GALNT16: variants seen among roughly 807,000 people sequenced by gnomAD.
GALNT16 encodes polypeptide N-acetylgalactosaminyltransferase 16, also known as UDP-GalNAc:polypeptide N-acetylgalactosaminyltransferase-like protein 1.
A neutral mutation model predicts 76.1 loss-of-function variants in GALNT16; 40 were observed. The ratio of observed to expected loss-of-function variants is 0.53; its 90% CI spans 0.41 to 0.68. The LOEUF is 0.68. Among genes scored for constraint, GALNT16 ranks in the 30% least tolerant of loss-of-function variants. The probability of loss-of-function intolerance (pLI) is 0.00; values close to 1 mark genes in which losing one functional copy is unlikely to be tolerated. For missense variants in GALNT16, 621 were observed against 731.9 expected (o/e 0.85, Z 1.75); for synonymous variants, 276 against 285.2 (o/e 0.97, Z 0.32).
chr14:69,382,122 C>G, the GALNT16 span, among the ~76,000 whole-genome samples: 1 of 152,160 alleles, frequency 6.6e-6, no homozygotes, highest in Non-Finnish European at 1.5e-5. Context: ...AAGTTAGAAA[C>G]CTAAACTACA....
At chr14:69,335,855 A>G (rs2045409220) in intron 9 of GALNT16, among the ~76,000 whole-genome samples, 1 of 152,146 alleles carries the variant, frequency 6.6e-6, no homozygotes, top group Non-Finnish European at 1.5e-5. Context: ...CAAACTCGGG[A>G]GCCCAGAGGC....
At chr14:69,289,072 C>G (rs2044655895) in intron 1 of GALNT16, among the ~76,000 whole-genome samples, 1 of 152,180 alleles carries the variant, frequency 6.6e-6, no homozygotes, top group African/African-American at 2.4e-5. Flanking sequence ...GAAACAGGGT[C>G]TCGCCCTGTT....
In GALNT16 at chr14:69,265,095, C is replaced by T. The variant is rs1442511937; in HGVS notation, c.177+4628C>T. ...CCTCCCAAAGTGCTGGGATTACAGGCGTGAGCCACTGCGCCCAGCCAAAAA... is the reference window on the plus strand; with the variant it reads ...CCTCCCAAAGTGCTGGGATTACAGGTGTGAGCCACTGCGCCCAGCCAAAAA... On this transcript the variant is annotated intron_variant, in intron 1 of 14. Coordinates refer to ENST00000448469, the MANE Select transcript of GALNT16 (RefSeq NM_001168368.2). Among the ~76,000 whole-genome samples the T allele has an allele frequency of 5.3e-5, 8 of 152,234 alleles. No individual in the cohort carries two copies. The East Asian group carries it at 1.2e-3, about 22-fold the overall frequency.
chr14:69,284,175 A>G (rs2044579517), intron 1 of GALNT16, among the ~76,000 whole-genome samples: 1 of 152,168 alleles, frequency 6.6e-6, no homozygotes, highest in Non-Finnish European at 1.5e-5. Flanking sequence ...CACCTGCTGC[A>G]GTTCCTCGAG....
chr14:69,368,653 C>T, the GALNT16 span, among the ~76,000 whole-genome samples: 1 of 152,148 alleles, frequency 6.6e-6, no homozygotes, highest in African/African-American at 2.4e-5. Context: ...GGAGGGTTTA[C>T]ACGAGGGCTT....
At chr14:69,342,540 GAA>G (rs1390008743) in intron 12 of GALNT16, among the ~76,000 whole-genome samples, 15 of 146,768 alleles carry the variant, frequency 1.0e-4, no homozygotes, top group African/African-American at 3.5e-4. Flanking sequence ...GAAAAGAAAA[GAA>G]AAGGAGAGAA....
chr14:69,328,132 C>T (rs1245298066), intron 5 of GALNT16, among the ~76,000 whole-genome samples: 1 of 152,104 alleles, frequency 6.6e-6, no homozygotes, highest in African/African-American at 2.4e-5. Flanking sequence ...TCTGGTTCTC[C>T]TTTGGGATCA....
intron 6 of GALNT16, among the ~76,000 whole-genome samples, chr14:69,328,861 A>C: frequency 6.6e-6 from 1 of 152,218 alleles, no homozygotes; most frequent in South Asian, 2.1e-4. Flanking sequence ...GAGAGTTAGG[A>C]TCCTGTGCTG....
intron 12 of GALNT16, among the ~76,000 whole-genome samples, chr14:69,342,304 T>A (rs1022036994): frequency 6.6e-6 from 1 of 151,552 alleles, no homozygotes; most frequent in Admixed American, 6.6e-5. Context: ...AAAAATTAGC[T>A]GGGCGTGGTG....
chr14:69,307,696 G>C (rs1185933080), intron 1 of GALNT16, among the ~76,000 whole-genome samples: 2 of 152,136 alleles, frequency 1.3e-5, no homozygotes, highest in Admixed American at 6.5e-5. Context: ...TGCCCTGCCT[G>C]CCCACCTCAA....
At chr14:69,301,308 A>C (rs2044848804) in intron 1 of GALNT16, among the ~76,000 whole-genome samples, 1 of 152,138 alleles carries the variant, frequency 6.6e-6, no homozygotes, top group South Asian at 2.1e-4. Flanking sequence ...CACCCAGAAA[A>C]GGTTAAGAAC....
intron 1 of GALNT16, among the ~76,000 whole-genome samples, chr14:69,306,421 A>G (rs1201319071): frequency 6.6e-6 from 1 of 152,188 alleles, no homozygotes; most frequent in Non-Finnish European, 1.5e-5. Flanking sequence ...TTATCTCTAA[A>G]AGATTTATAC....
intron 1 of GALNT16, among the ~76,000 whole-genome samples, chr14:69,291,089 G>C (rs550411841): frequency 1.3e-5 from 2 of 152,258 alleles, no homozygotes; most frequent in East Asian, 3.9e-4. Context: ...CCAGGAGTTC[G>C]AGACCAGCCT....
At chr14:69,321,483 A>G (rs1020907217) in intron 2 of GALNT16, among the ~76,000 whole-genome samples, 7 of 152,066 alleles carry the variant, frequency 4.6e-5, no homozygotes. Context: ...AGAGGGTGAA[A>G]GTCACCATCT....
intron 11 of GALNT16, among the ~76,000 whole-genome samples, chr14:69,340,455 G>A (rs895336741): frequency 4.6e-5 from 7 of 151,532 alleles, no homozygotes; most frequent in African/African-American, 7.3e-5. Flanking sequence ...GATGCGTGGC[G>A]AATTCAAGTT....
chr14:69,317,568 T>G (rs2045120312), intron 1 of GALNT16, among the ~76,000 whole-genome samples: 1 of 152,226 alleles, frequency 6.6e-6, no homozygotes, highest in African/African-American at 2.4e-5. Context: ...AGGTTTTCAC[T>G]CAGTATTTGC....
At chr14:69,377,804 C>CAAAAAAA in the GALNT16 span, among the ~76,000 whole-genome samples, 135 of 37,490 alleles carry the variant, frequency 3.6e-3, 5 homozygotes, top group South Asian at 6.1e-3. Context: ...GAGACTGTCT[C>CAAAAAAA]AAAAAAAAAA....
At chr14:69,344,803 G>A (rs1296864793) in intron 12 of GALNT16, among the ~76,000 whole-genome samples, 1 of 152,166 alleles carries the variant, frequency 6.6e-6, no homozygotes, top group Non-Finnish European at 1.5e-5. Context: ...TATTCCCCCT[G>A]TGCAGTTATC....
chr14:69,369,686 T>C, the GALNT16 span, among the ~76,000 whole-genome samples: 1 of 152,174 alleles, frequency 6.6e-6, no homozygotes, highest in Non-Finnish European at 1.5e-5. Flanking sequence ...AAAGACCTAC[T>C]TTTACAAGTA....
Sources: allele counts gnomAD v4.1 joint callset (sites outside exome capture counted in the v4.1 genomes callset), GRCh38; gene constraint gnomAD v4.1.1; transcripts MANE v1.5; gene names NCBI Gene and HGNC (gene_info 2026-07-23, HGNC 2026-07-21).